The following FAM107B variants were observed in gnomAD, a reference collection of about 807,000 sequenced individuals.
FAM107B encodes the protein family with sequence similarity 107 member B, also known as protein FAM107B.
FAM107B carries 21 observed loss-of-function variants against 31.5 expected under a neutral mutation model. The observed-to-expected ratio is 0.67, with a 90% CI of 0.47 to 0.96. FAM107B has a LOEUF of 0.96. FAM107B is among the 40% of genes least tolerant of loss of function. The pLI is 0.00. For missense variants in FAM107B, 452 were observed against 377.1 expected (o/e 1.20, Z -1.64); for synonymous variants, 157 against 141.5 (o/e 1.11, Z -0.78).
intron 2 of FAM107B, among the ~76,000 whole-genome samples, chr10:14,643,713 A>G (rs1203119855): frequency 6.6e-6 from 1 of 152,130 alleles, no homozygotes; most frequent in African/African-American, 2.4e-5. Context: ...CCCGGCTGTC[A>G]GTCTGTTTTA....
intron 2 of FAM107B, among the ~76,000 whole-genome samples, chr10:14,604,649 G>C (rs1259004056): frequency 6.6e-6 from 1 of 151,992 alleles, no homozygotes; most frequent in East Asian, 1.9e-4. Flanking sequence ...GGCGGCCCCG[G>C]ATGACCGGGA....
intron 1 of FAM107B, among the ~76,000 whole-genome samples, chr10:14,690,177 C>T (rs3107797): frequency 0.59 from 89,832 of 151,998 alleles, 26,724 homozygotes; most frequent in Admixed American, 0.68. Flanking sequence ...GGCTTCTCAC[C>T]GGATTCAGTC....
chr10:14,758,645 G>A (rs116210711), intron 1 of FAM107B, among the ~76,000 whole-genome samples: 7,187 of 152,044 alleles, frequency 0.047, 569 homozygotes, highest in African/African-American at 0.16. Context: ...ATGCCCAGCC[G>A]GGCTCCCCGT....
chr10:14,672,351 C>A (rs549144273), intron 1 of FAM107B, among the ~76,000 whole-genome samples: 62 of 152,200 alleles, frequency 4.1e-4, no homozygotes, highest in Middle Eastern at 3.4e-3. Flanking sequence ...GCCTCCCAAA[C>A]TGCTGGGATT....
chr10:14,721,252 A>G (rs1480208611), intron 1 of FAM107B, among the ~76,000 whole-genome samples: 1 of 152,116 alleles, frequency 6.6e-6, no homozygotes, highest in Non-Finnish European at 1.5e-5. Context: ...TCATTGATGG[A>G]CATTTGGGTT....
intron 1 of FAM107B, among the ~76,000 whole-genome samples, chr10:14,670,693 T>C (rs1347265617): frequency 6.6e-6 from 1 of 152,214 alleles, no homozygotes; most frequent in Non-Finnish European, 1.5e-5. Context: ...TATTTATTAC[T>C]CCATCTTAAA....
At chr10:14,767,040 A>ATG (rs1291216706) in intron 1 of FAM107B, among the ~76,000 whole-genome samples, 3 of 35,472 alleles carry the variant, frequency 8.5e-5, no homozygotes, top group East Asian at 2.3e-3. Context: ...ATATATATAT[A>ATG]TATATATATA....
At chr10:14,698,771 G>A (rs562404049) in intron 1 of FAM107B, among the ~76,000 whole-genome samples, 31 of 152,298 alleles carry the variant, frequency 2.0e-4, no homozygotes, top group African/African-American at 6.5e-4. Context: ...ATTAGAAGAC[G>A]TTGCCCGGCC....
chr10:14,751,306 C>T (rs1832822806), intron 1 of FAM107B, among the ~76,000 whole-genome samples: 1 of 152,156 alleles, frequency 6.6e-6, no homozygotes, highest in Admixed American at 6.5e-5. Context: ...TGTACAATTT[C>T]TCATACACAG....
At chr10:14,704,670 T>C (rs1309408281) in intron 1 of FAM107B, among the ~76,000 whole-genome samples, 1 of 152,154 alleles carries the variant, frequency 6.6e-6, no homozygotes, top group Non-Finnish European at 1.5e-5. Context: ...GGGATTAATA[T>C]ACAGAATATA....
At chr10:14,773,298 A>C (rs979108352) in intron 1 of FAM107B, among the ~76,000 whole-genome samples, 4 of 152,158 alleles carry the variant, frequency 2.6e-5, no homozygotes, top group Non-Finnish European at 4.4e-5. Context: ...CTTGCTAAGG[A>C]GGCTTCTTAG....
chr10:14,605,714 A>G (rs1852570850), intron 2 of FAM107B, among the ~76,000 whole-genome samples: 1 of 152,162 alleles, frequency 6.6e-6, no homozygotes, highest in Non-Finnish European at 1.5e-5. Flanking sequence ...AATTCCATGA[A>G]CTTTATACAT....
chr10:14,613,733 C>T (rs1305453488), intron 2 of FAM107B, among the ~76,000 whole-genome samples: 1 of 152,224 alleles, frequency 6.6e-6, no homozygotes, highest in African/African-American at 2.4e-5. Flanking sequence ...TACACTATGA[C>T]TCAAGTCATC....
At chr10:14,686,248 G>A (rs1365787589) in intron 1 of FAM107B, among the ~76,000 whole-genome samples, 1 of 152,086 alleles carries the variant, frequency 6.6e-6, no homozygotes, top group Non-Finnish European at 1.5e-5. Flanking sequence ...AATTAGCCGG[G>A]CATGTTGGTT....
intron 1 of FAM107B, among the ~76,000 whole-genome samples, chr10:14,758,474 G>A (rs1256330089): frequency 1.3e-5 from 2 of 152,150 alleles, no homozygotes; most frequent in Non-Finnish European, 2.9e-5. Flanking sequence ...GGGTGCCATA[G>A]TTCCATCTCC....
At chr10:14,556,605 G>C (rs1188182443) in intron 2 of FAM107B, among the ~76,000 whole-genome samples, 1 of 152,198 alleles carries the variant, frequency 6.6e-6, no homozygotes, top group East Asian at 1.9e-4. Flanking sequence ...GGTCCATCTA[G>C]GCCACAAGCC....
chr10:14,667,786 G>A, intron 1 of FAM107B, 95 bp from the exon 2 acceptor site: 1 of 1,317,342 alleles, frequency 7.6e-7, no homozygotes, highest in South Asian at 1.2e-5. Context: ...TAATTAATAT[G>A]AGATCAAGAC....
intron 4 of FAM107B, 44 bp downstream of exon 4, chr10:14,521,825 A>G (rs781471619): frequency 1.6e-5 from 25 of 1,600,926 alleles, no homozygotes; most frequent in Admixed American, 1.8e-5. Flanking sequence ...AACATTCTTC[A>G]AGACAAAAAC....
intron 2 of FAM107B, among the ~76,000 whole-genome samples, chr10:14,656,541 T>C (rs557997229): frequency 6.6e-6 from 1 of 152,282 alleles, no homozygotes; most frequent in South Asian, 2.1e-4. Flanking sequence ...TGGCATGCAA[T>C]ACAAGTTCTT....
Sources: gnomAD v4.1 joint callset for allele counts (sites outside exome capture counted in the v4.1 genomes callset) on GRCh38, gnomAD v4.1.1 for gene constraint, MANE v1.5 for transcripts, NCBI Gene and HGNC (gene_info 2026-07-23, HGNC 2026-07-21) for gene names.